The following NHS variants were observed in gnomAD, a reference collection of about 807,000 sequenced individuals.
The protein encoded by NHS is NHS actin remodeling regulator, also known as actin remodeling regulator NHS.
NHS carries 5 observed loss-of-function variants against 72.5 expected under a neutral mutation model. The ratio of observed to expected loss-of-function variants is 0.07; its 90% confidence interval spans 0.04 to 0.14. The LOEUF is 0.14. Among genes scored for constraint, NHS ranks in the 10% least tolerant of loss-of-function variants. The pLI is 1.00. For synonymous variants in NHS, 464 were observed against 547.7 expected (o/e 0.85, Z 2.13); for missense variants, 1,072 against 1,355.7 (o/e 0.79, Z 3.29).
At chrX:17,567,140 A>G (rs759386198) in intron 1 of NHS, among the ~76,000 whole-genome samples, 1 of 112,387 alleles carries the variant, frequency 8.9e-6, no homozygotes, top group East Asian at 2.8e-4. Flanking sequence ...CATTTATTTT[A>G]AAAATAATTA....
At chrX:17,660,074 T>G (rs1156428763) in intron 1 of NHS, among the ~76,000 whole-genome samples, 1 of 112,133 alleles carries the variant, frequency 8.9e-6, no homozygotes, top group Non-Finnish European at 1.9e-5. Context: ...GGGAGTCATT[T>G]GTAAATTTGC....
chrX:17,711,747 T>G (rs888670125), intron 3 of NHS, among the ~76,000 whole-genome samples: 9 of 111,772 alleles, frequency 8.1e-5, no homozygotes, highest in African/African-American at 2.9e-4. Context: ...ACTCTTTTGG[T>G]GTCTTGGCTG....
At chrX:17,541,625 C>A (rs1035786382) in intron 1 of NHS, among the ~76,000 whole-genome samples, 13 of 111,762 alleles carry the variant, frequency 1.2e-4, no homozygotes, top group African/African-American at 4.2e-4. Context: ...GTTACTCTGT[C>A]CAGACCCTCT....
chrX:17,517,212 T>C (rs980411584), intron 1 of NHS, among the ~76,000 whole-genome samples: 2 of 112,359 alleles, frequency 1.8e-5, no homozygotes, highest in African/African-American at 6.5e-5. Flanking sequence ...TAGTCTTGAC[T>C]TTTGCCATTA....
At chrX:17,416,819 T>TGTGTGTGTGTGTGAGAGA (rs1445369548) in intron 1 of NHS, among the ~76,000 whole-genome samples, 35 of 98,186 alleles carry the variant, frequency 3.6e-4, no homozygotes, top group African/African-American at 1.2e-3. Context: ...TGTGTGTGTG[T>TGTGTGTGTGTGTGAGAGA]GAGAGAGAGA....
chrX:17,409,277 G>A (rs2064545528), intron 1 of NHS, among the ~76,000 whole-genome samples: 1 of 111,962 alleles, frequency 8.9e-6, no homozygotes, highest in African/African-American at 3.2e-5. Context: ...AGTACTGTGT[G>A]TGAAGCATCT....
intron 1 of NHS, among the ~76,000 whole-genome samples, chrX:17,456,537 A>G (rs901608253): frequency 1.8e-5 from 2 of 112,525 alleles, no homozygotes; most frequent in Non-Finnish European, 3.8e-5. Flanking sequence ...CAGCTGGCAG[A>G]AGAAACCTGC....
At chrX:17,396,224 G>A (rs749845545) in intron 1 of NHS, among the ~76,000 whole-genome samples, 2 of 111,989 alleles carry the variant, frequency 1.8e-5, no homozygotes, top group African/African-American at 3.2e-5. Context: ...ACATTTGTGA[G>A]TCAGTAGACA....
At chrX:17,559,029 G>A (rs1324989349) in intron 1 of NHS, among the ~76,000 whole-genome samples, 2 of 112,332 alleles carry the variant, frequency 1.8e-5, no homozygotes, top group Non-Finnish European at 3.8e-5. Flanking sequence ...TCCCAGGGGT[G>A]GATAGGATAA....
Position 17,510,264 on chromosome X carries a change from G to A in NHS, c.565+133942G>A, listed in dbSNP as rs542034563. ...AAGTGAGCAGAAAGAGCTAGGCACAGAATTCTGGGTGCCTTTCTAGAACTT... is the reference window on the plus strand; with the variant it reads ...AAGTGAGCAGAAAGAGCTAGGCACAAAATTCTGGGTGCCTTTCTAGAACTT... On this transcript the variant is annotated intron_variant, in intron 1 of 8. Transcript: ENST00000676302. Among the ~76,000 whole-genome samples, 3 of 112,604 alleles carry A rather than the reference G, an allele frequency of 2.7e-5. No individual in the cohort carries two copies. The South Asian group carries it at 1.1e-3, about 42-fold the overall frequency.
intron 1 of NHS, among the ~76,000 whole-genome samples, chrX:17,538,950 T>G (rs1027750990): frequency 8.9e-6 from 1 of 112,035 alleles, no homozygotes; most frequent in Non-Finnish European, 1.9e-5. Context: ...CAGCCAGGCT[T>G]TTTGGCTTTC....
chrX:17,401,688 C>A (rs2064503667), intron 1 of NHS, among the ~76,000 whole-genome samples: 1 of 111,954 alleles, frequency 8.9e-6, no homozygotes, highest in African/African-American at 3.3e-5. Context: ...GCCAGAAATT[C>A]TTGGTGTTCC....
In NHS at chrX:17,608,167, C is replaced by T. The variant is rs145277837; in HGVS notation, c.566-79575C>T. ...TGGGCTTGAGCGATCCCCCTGCCTCCGCCTCCCAAAGCGTTTGGATTACAG... is the reference window on the plus strand; with the variant it reads ...TGGGCTTGAGCGATCCCCCTGCCTCTGCCTCCCAAAGCGTTTGGATTACAG... On this transcript the variant is annotated intron_variant, in intron 1 of 8. Coordinates refer to ENST00000676302, the MANE Select transcript of NHS (RefSeq NM_001291867.2). Among the ~76,000 whole-genome samples the T allele has an allele frequency of 1.4e-4, 15 of 110,674 alleles. No individual in the cohort carries two copies. In the East Asian group the frequency reaches 3.7e-3, roughly 27 times the overall value.
At chrX:17,536,241 G>C (rs759556193) in intron 1 of NHS, among the ~76,000 whole-genome samples, 1 of 112,229 alleles carries the variant, frequency 8.9e-6, no homozygotes, top group African/African-American at 3.2e-5. Flanking sequence ...TGTAGTCCCA[G>C]CTACTCAGGA....
intron 1 of NHS, among the ~76,000 whole-genome samples, chrX:17,563,050 C>T (rs898644300): frequency 5.3e-5 from 6 of 112,273 alleles, no homozygotes; most frequent in Middle Eastern, 4.6e-3. Context: ...TTTGTGCCCA[C>T]GCTGCCTTTT....
chrX:17,427,262 G>A (rs2064661786), intron 1 of NHS, among the ~76,000 whole-genome samples: 1 of 111,664 alleles, frequency 9.0e-6, no homozygotes, highest in African/African-American at 3.3e-5. Context: ...TTTATGGGGT[G>A]CCTGGATGGA....
chrX:17,647,727 T>A (rs2065912450), intron 1 of NHS, among the ~76,000 whole-genome samples: 1 of 112,239 alleles, frequency 8.9e-6, no homozygotes, highest in Admixed American at 9.4e-5. Context: ...AAACACATCA[T>A]CTCTTTTTCT....
chrX:17,449,574 A>T (rs2064796965), intron 1 of NHS, among the ~76,000 whole-genome samples: 2 of 112,226 alleles, frequency 1.8e-5, no homozygotes, highest in Non-Finnish European at 3.8e-5. Context: ...TATGCACTTT[A>T]CTGTATGTAA....
At position 17,725,390 on chromosome X, in the gene NHS, G is replaced by A. The variant is rs2066434244; in HGVS notation, c.1284G>A (p.Val428=). 14 of 1,204,966 alleles carry A rather than the reference G, an allele frequency of 1.2e-5. No individual in the cohort carries two copies. The highest frequency in any genetic ancestry group is 1.6e-5 in the Non-Finnish European group (14 of 891,369). Residue 428 remains valine, a synonymous_variant, in exon 7 of 9, where the codon GTG becomes GTA. Coordinates refer to ENST00000676302, the MANE Select transcript of NHS (RefSeq NM_001291867.2). ...SPVARERNVI[V]HTNPDPSNTV... Reference sequence around the variant, plus strand: ...TGGCCAGGGAAAGGAATGTGATTGTGCACACAAACCCAGACCCCTCCAACA... The same window carrying A: ...TGGCCAGGGAAAGGAATGTGATTGTACACACAAACCCAGACCCCTCCAACA...
Sources: gnomAD v4.1 joint callset for allele counts (sites outside exome capture counted in the v4.1 genomes callset) on GRCh38, gnomAD v4.1.1 for gene constraint, MANE v1.5 for transcripts, NCBI Gene and HGNC (gene_info 2026-07-23, HGNC 2026-07-21) for gene names.